Variants in TMX1 observed in about 807,000 individuals in gnomAD.
TMX1 encodes thioredoxin related transmembrane protein 1, also known as thioredoxin-related transmembrane protein 1.
Under a neutral mutation model 36.6 loss-of-function variants are expected in TMX1, and 25 were observed. That is an observed-to-expected ratio of 0.68 (90% CI 0.50 to 0.95). The LOEUF (loss-of-function observed/expected upper bound fraction) is 0.95, where lower values mean the gene tolerates loss of function less well. TMX1 is among the 40% of genes least tolerant of loss of function. The pLI, the probability that TMX1 is intolerant of heterozygous loss-of-function variation, is 0.00. For missense variants in TMX1, 347 were observed against 339.6 expected (o/e 1.02, Z -0.17); for synonymous variants, 133 against 118.0 (o/e 1.13, Z -0.82).
chr14:51,244,436 A>G (rs1471960131), intron 2 of TMX1, among the ~76,000 whole-genome samples: 1 of 152,206 alleles, frequency 6.6e-6, no homozygotes, highest in East Asian at 1.9e-4. Flanking sequence ...GTTCCCTGAC[A>G]AAAGAAGACC....
At chr14:51,251,722 T>C (rs2065814724) in intron 7 of TMX1, among the ~76,000 whole-genome samples, 1 of 152,126 alleles carries the variant, frequency 6.6e-6, no homozygotes, top group Non-Finnish European at 1.5e-5. Context: ...AACTTGAGAG[T>C]GTCTGAGACT....
rs1046604845 is a variant in TMX1, at chr14:51,255,770, A to G, written c.*1251A>G. On this transcript the variant is annotated 3_prime_UTR_variant, in exon 8 of 8. Transcript: ENST00000457354. ...TTTACTCCTTAAAGAGCTAGAATACATAGTTTTCACCTTAAAAGAAGGGGG... is the reference window on the plus strand; with the variant it reads ...TTTACTCCTTAAAGAGCTAGAATACGTAGTTTTCACCTTAAAAGAAGGGGG... The G allele has an allele frequency of 1.3e-5, 2 of 152,120 alleles. No homozygotes were observed. The highest frequency in any genetic ancestry group is 6.5e-5 in the Admixed American group (1 of 15,278). 9.4% of individuals were successfully genotyped at this position (152,120 alleles called of 1,614,324 possible). A position where few individuals can be genotyped will look rare whatever the true frequency, so the allele number is the denominator to read the frequency against.
intron 4 of TMX1, among the ~76,000 whole-genome samples, chr14:51,248,646 C>A (rs2065797531): frequency 6.6e-6 from 1 of 152,170 alleles, no homozygotes; most frequent in Admixed American, 6.5e-5. Flanking sequence ...TCTTGTCCTT[C>A]CAGTAGAAGA....
At chr14:51,243,262 G>C (rs1264667023) in intron 1 of TMX1, among the ~76,000 whole-genome samples, 1 of 152,200 alleles carries the variant, frequency 6.6e-6, no homozygotes, top group African/African-American at 2.4e-5. Flanking sequence ...AACTGGCCAA[G>C]AGTTTTGTTT....
intron 1 of TMX1, among the ~76,000 whole-genome samples, chr14:51,240,698 A>G (rs934516306): frequency 6.6e-6 from 1 of 152,160 alleles, no homozygotes. Context: ...GGTGCGCCCA[A>G]AGGGTTAGTG....
chr14:51,245,989 A>G (rs1432838554), intron 3 of TMX1: 1 of 155,162 alleles, frequency 6.4e-6, no homozygotes, highest in East Asian at 1.9e-4. Flanking sequence ...GTACCCCAAC[A>G]TCATGTAGCT....
chr14:51,244,044 C>T, intron 2 of TMX1, 73 bp downstream of exon 2: 2 of 1,231,144 alleles, frequency 1.6e-6, no homozygotes, highest in Non-Finnish European at 2.2e-6. Context: ...TTCTACATTG[C>T]ATAGTCTTAA....
chr14:51,247,352 A>ATTTTTT (rs35852707), intron 4 of TMX1, 132 bp downstream of exon 4: 27 of 301,182 alleles, frequency 9.0e-5, no homozygotes, highest in African/African-American at 1.7e-4. Flanking sequence ...TACATGTTTG[A>ATTTTTT]TTTTTTTTTT....
Position 51,240,322 on chromosome 14 carries a change from C to T in TMX1, c.30C>T (p.Pro10=), listed in dbSNP as rs1053227404. The change falls in exon 1 of 8, where the codon CCC becomes CCT. Residue 10 remains proline (P), a synonymous_variant. Transcript: ENST00000457354. MAPSGSLAV[P]LAVLVLLLWG... ...CGCCCTCCGGGAGTCTTGCAGTTCC[C>T]CTGGCAGTCCTGGTGCTGTTGCTTT... is the stretch of plus-strand genomic sequence containing the variant. 7 of 1,613,284 alleles carry T rather than the reference C, an allele frequency of 4.3e-6. No homozygotes were observed. The highest frequency in any genetic ancestry group is 1.7e-4 in the Middle Eastern group (1 of 5,952).
At position 51,245,361 on chromosome 14, in the gene TMX1, A is replaced by G. The variant is rs760558903; in HGVS notation, c.314+3A>G. ...ACTGCTCTTCCTACTATTTATCAGT[A>G]AGTATTTGAAGATTCTAAATTATGG... On this transcript the variant is annotated splice_donor_region_variant and intron_variant, in intron 3 of 7. Transcript: ENST00000457354. 4 of 1,613,716 alleles carry G rather than the reference A, an allele frequency of 2.5e-6. No individual in the cohort carries two copies. In the East Asian group the frequency reaches 8.9e-5, roughly 36 times the overall value.
chr14:51,253,387 A>C (rs2065823818), intron 7 of TMX1, among the ~76,000 whole-genome samples: 1 of 152,244 alleles, frequency 6.6e-6, no homozygotes, highest in Non-Finnish European at 1.5e-5. Context: ...GGCATAGAAA[A>C]GGGGCTGTTA....
chr14:51,250,770 C>T (rs1215399391), intron 7 of TMX1, among the ~76,000 whole-genome samples: 2 of 152,118 alleles, frequency 1.3e-5, no homozygotes, highest in South Asian at 2.1e-4. Flanking sequence ...GGATTACAGG[C>T]GTGAGCCACT....
rs774118515 is a variant in TMX1, at chr14:51,240,309, G to T, written c.17G>T (p.Ser6Ile). 20 of 1,612,280 alleles carry T rather than the reference G, an allele frequency of 1.2e-5. No homozygotes were observed. The South Asian group carries it at 2.1e-4, about 17-fold the overall frequency. MAPSG[S>I]LAVPLAVLVL... ...AGCGGCGAAATGGCGCCCTCCGGGA[G>T]TCTTGCAGTTCCCCTGGCAGTCCTG... The change falls in exon 1 of 8, where the codon AGT (serine) becomes ATT (isoleucine). Residue 6 changes from serine to isoleucine, a missense_variant. Ser to Ile is a moderately radical substitution (Grantham distance 142). Coordinates refer to ENST00000457354, the MANE Select transcript of TMX1 (RefSeq NM_030755.5).
intron 4 of TMX1, among the ~76,000 whole-genome samples, chr14:51,247,937 A>G (rs1373706704): frequency 6.6e-6 from 1 of 152,218 alleles, no homozygotes; most frequent in African/African-American, 2.4e-5. Context: ...TTCTGTCTCC[A>G]TAGAGACCGT....
At chr14:51,253,961 T>C (rs188320708) in intron 7 of TMX1, 1 of 153,510 alleles carries the variant, frequency 6.5e-6, no homozygotes, top group East Asian at 1.9e-4. Context: ...GCAGTGGGGG[T>C]TGTGTATCAC....
At chr14:51,244,683 T>G (rs1319628623) in intron 2 of TMX1, among the ~76,000 whole-genome samples, 1 of 152,150 alleles carries the variant, frequency 6.6e-6, no homozygotes, top group Non-Finnish European at 1.5e-5. Context: ...TAATAGGTAA[T>G]ATTTATCGAG....
In TMX1 at chr14:51,255,088, A is replaced by C. The variant is rs1397742654; in HGVS notation, c.*569A>C. 6.6e-6 allele frequency: 1 copy of C among 152,110 alleles called. No homozygotes were observed. The highest frequency in any genetic ancestry group is 1.5e-5 in the Non-Finnish European group (1 of 67,948). 9.4% of individuals were successfully genotyped at this position (152,110 alleles called of 1,614,324 possible). On this transcript the variant is annotated 3_prime_UTR_variant, in exon 8 of 8. Transcript: ENST00000457354. Reference sequence around the variant, plus strand: ...ACATTAATTAATTACAGTTTTCTACACATGGTAATACAGGATATGCTACTG... The same window carrying C: ...ACATTAATTAATTACAGTTTTCTACCCATGGTAATACAGGATATGCTACTG...
intron 3 of TMX1, 94 bp downstream of exon 3, chr14:51,245,452 G>A (rs1259864660): frequency 1.3e-5 from 20 of 1,571,702 alleles, no homozygotes; most frequent in Non-Finnish European, 1.7e-5. Flanking sequence ...TGGAAGAGCT[G>A]AGGTAATCTC....
intron 1 of TMX1, 78 bp downstream of exon 1, chr14:51,240,522 C>A: frequency 6.5e-7 from 1 of 1,534,514 alleles, no homozygotes; most frequent in Non-Finnish European, 8.8e-7. Flanking sequence ...GTGCGGGTCG[C>A]AGGCTCCCCA....
Sources: gnomAD v4.1 joint callset for allele counts (sites outside exome capture counted in the v4.1 genomes callset) on GRCh38, gnomAD v4.1.1 for gene constraint, MANE v1.5 for transcripts, NCBI Gene and HGNC (gene_info 2026-07-23, HGNC 2026-07-21) for gene names.